The following TMOD1 variants were observed in gnomAD, a reference collection of about 807,000 sequenced individuals.
The protein encoded by TMOD1 is tropomodulin 1.
In TMOD1, 17 loss-of-function variants were observed where a neutral mutation model predicts 40.6. The observed-to-expected ratio is 0.42, with a 90% CI of 0.29 to 0.63. TMOD1 has a LOEUF of 0.63. Ranked by LOEUF, TMOD1 falls within the 20% of genes least tolerant of loss-of-function variation. TMOD1 has a pLI of 0.22. For missense variants in TMOD1, 391 were observed against 447.6 expected, an observed-to-expected ratio of 0.87 and a Z score of 1.14; for synonymous variants, 181 against 175.0, an observed-to-expected ratio of 1.03 and a Z score of -0.27.
intron 9 of TMOD1, among the ~76,000 whole-genome samples, chr9:97,592,388 C>A (rs1461890428): frequency 2.7e-5 from 4 of 150,730 alleles, no homozygotes; most frequent in African/African-American, 7.3e-5. Flanking sequence ...AGCCAAGTTA[C>A]ATTATTCTTA....
chr9:97,591,767 ACC>A (rs1264192144), intron 9 of TMOD1, among the ~76,000 whole-genome samples: 2 of 152,110 alleles, frequency 1.3e-5, no homozygotes, highest in Admixed American at 6.6e-5. Context: ...TCTTCTGAAT[ACC>A]CTTTTCTGAA....
intron 2 of TMOD1, among the ~76,000 whole-genome samples, chr9:97,541,997 C>G (rs1830282356): frequency 6.6e-6 from 1 of 152,200 alleles, no homozygotes; most frequent in Non-Finnish European, 1.5e-5. Context: ...TCCAAGTAAT[C>G]TACTTTTTTA....
intron 8 of TMOD1, among the ~76,000 whole-genome samples, chr9:97,580,036 G>C (rs1284932062): frequency 6.6e-6 from 1 of 152,138 alleles, no homozygotes; most frequent in East Asian, 1.9e-4. Flanking sequence ...AGGAAGGAGA[G>C]AGAGAAGGAA....
chr9:97,535,487 C>A (rs1196435342), intron 2 of TMOD1, among the ~76,000 whole-genome samples: 1 of 152,164 alleles, frequency 6.6e-6, no homozygotes, highest in Non-Finnish European at 1.5e-5. Context: ...CAGTTCAGGA[C>A]CACCTCCTCC....
chr9:97,518,490 A>G (rs1218045054), intron 1 of TMOD1, among the ~76,000 whole-genome samples: 2 of 152,238 alleles, frequency 1.3e-5, no homozygotes, highest in Non-Finnish European at 2.9e-5. Context: ...AAACAAATAC[A>G]AATGCTAAGA....
intron 1 of TMOD1, among the ~76,000 whole-genome samples, chr9:97,517,539 T>C (rs1477126081): frequency 6.6e-6 from 1 of 151,940 alleles, no homozygotes; most frequent in African/African-American, 2.4e-5. Flanking sequence ...ATGTGGGGCC[T>C]GAGGACTCCA....
At chr9:97,574,208 G>C (rs372069149) in intron 8 of TMOD1, among the ~76,000 whole-genome samples, 1 of 152,156 alleles carries the variant, frequency 6.6e-6, no homozygotes, top group East Asian at 1.9e-4. Context: ...AGCTTGCGGG[G>C]AGGTGTGGAG....
intron 2 of TMOD1, among the ~76,000 whole-genome samples, chr9:97,540,697 G>A (rs1304583762): frequency 2.0e-5 from 3 of 152,040 alleles, no homozygotes; most frequent in Non-Finnish European, 4.4e-5. Context: ...GGTCATTCAC[G>A]TTGTAGTACT....
At chr9:97,567,851 G>A (rs977518015) in intron 7 of TMOD1, among the ~76,000 whole-genome samples, 18 of 152,138 alleles carry the variant, frequency 1.2e-4, no homozygotes, top group Non-Finnish European at 2.9e-5. Context: ...AGCAAGGCAG[G>A]GGCGACGGGG....
chr9:97,518,034 T>G (rs1375872179), intron 1 of TMOD1, among the ~76,000 whole-genome samples: 1 of 152,286 alleles, frequency 6.6e-6, no homozygotes, highest in East Asian at 1.9e-4. Context: ...CGCCTCAGCT[T>G]CCACACGTCC....
At chr9:97,554,732 G>A (rs888637811) in intron 4 of TMOD1, among the ~76,000 whole-genome samples, 5 of 152,106 alleles carry the variant, frequency 3.3e-5, no homozygotes, top group African/African-American at 7.2e-5. Context: ...CAGAGGCCAC[G>A]GCGGAGGTGG....
chr9:97,555,709 T>C (rs1234433821), intron 4 of TMOD1: 1 of 1,544,356 alleles, frequency 6.5e-7, no homozygotes, highest in Non-Finnish European at 8.8e-7. Context: ...TCCCAGGTTC[T>C]ATGTGAGTTG....
intron 9 of TMOD1, among the ~76,000 whole-genome samples, chr9:97,592,737 C>T (rs997769824): frequency 3.3e-5 from 5 of 152,204 alleles, no homozygotes; most frequent in Admixed American, 6.5e-5. Flanking sequence ...GGATTACACA[C>T]ACACACACAC....
chr9:97,539,160 A>G (rs561757176), intron 2 of TMOD1, among the ~76,000 whole-genome samples: 6 of 152,194 alleles, frequency 3.9e-5, no homozygotes, highest in Non-Finnish European at 7.3e-5. Context: ...ATAGCCCTAC[A>G]TGTTAACACA....
intron 1 of TMOD1, among the ~76,000 whole-genome samples, chr9:97,517,219 G>A (rs906880431): frequency 6.6e-6 from 1 of 151,932 alleles, no homozygotes; most frequent in Non-Finnish European, 1.5e-5. Flanking sequence ...GCATGGTGAT[G>A]CACCCCTGTA....
intron 9 of TMOD1, among the ~76,000 whole-genome samples, chr9:97,596,064 T>G (rs1826103854): frequency 6.8e-6 from 1 of 146,832 alleles, no homozygotes; most frequent in South Asian, 2.2e-4. Flanking sequence ...ACAAGAAAAC[T>G]CCATCAAAAA....
At chr9:97,589,343 C>T (rs1489990097) in intron 8 of TMOD1, among the ~76,000 whole-genome samples, 19 of 143,272 alleles carry the variant, frequency 1.3e-4, no homozygotes, top group African/African-American at 3.6e-4. Context: ...TGCAGTGGCG[C>T]GATCTCTGCT....
chr9:97,593,540 G>A (rs751407587), intron 9 of TMOD1, among the ~76,000 whole-genome samples: 4 of 152,108 alleles, frequency 2.6e-5, no homozygotes, highest in Admixed American at 1.3e-4. Flanking sequence ...ACTTTTGTGT[G>A]CCTAGGACTG....
At chr9:97,558,992 C>T (rs1176303013) in intron 4 of TMOD1, among the ~76,000 whole-genome samples, 3 of 152,212 alleles carry the variant, frequency 2.0e-5, no homozygotes, top group Non-Finnish European at 2.9e-5. Flanking sequence ...ACTTCACCGC[C>T]TCCATCCCTT....
Sources: gnomAD v4.1 joint callset for allele counts (sites outside exome capture counted in the v4.1 genomes callset) on GRCh38, gnomAD v4.1.1 for gene constraint, MANE v1.5 for transcripts, NCBI Gene and HGNC (gene_info 2026-07-23, HGNC 2026-07-21) for gene names.